BCR: variants seen among roughly 807,000 people sequenced by gnomAD.
The protein encoded by BCR is BCR activator of RhoGEF and GTPase, also known as breakpoint cluster region protein.
In BCR, 58 loss-of-function variants were observed where a neutral mutation model predicts 138.6. The observed-to-expected ratio is 0.42, with a 90% CI of 0.34 to 0.52. The LOEUF is 0.52. BCR is among the 20% of genes least tolerant of loss of function. The probability of loss-of-function intolerance (pLI) is 0.06; values close to 1 mark genes in which losing one functional copy is unlikely to be tolerated. For synonymous variants in BCR, 786 were observed against 730.1 expected (o/e 1.08, Z -1.23); for missense variants, 1,599 against 1,727.2 (o/e 0.93, Z 1.32).
intron 1 of BCR, among the ~76,000 whole-genome samples, chr22:23,194,357 C>T (rs1047451070): frequency 6.6e-6 from 1 of 151,576 alleles, no homozygotes; most frequent in African/African-American, 2.4e-5. Flanking sequence ...CTTGTAATTC[C>T]AGCATCTTGG....
chr22:23,288,743 TC>T (rs1304077789), intron 12 of BCR, among the ~76,000 whole-genome samples: 1 of 152,218 alleles, frequency 6.6e-6, no homozygotes, highest in Non-Finnish European at 1.5e-5. Flanking sequence ...GGGCGCTCCC[TC>T]CTGTCTGGGG....
intron 14 of BCR, chr22:23,290,822 C>CT (rs908798722): frequency 4.7e-4 from 104 of 221,718 alleles, no homozygotes; most frequent in East Asian, 1.6e-3. Context: ...ATGGATACTA[C>CT]TTTTTTTTTC....
intron 5 of BCR, among the ~76,000 whole-genome samples, chr22:23,268,728 G>A (rs1191034848): frequency 1.3e-5 from 2 of 152,232 alleles, no homozygotes; most frequent in African/African-American, 4.8e-5. Context: ...CTCCCCGGGG[G>A]CGAGGGCCTG....
intron 1 of BCR, among the ~76,000 whole-genome samples, chr22:23,228,617 A>G (rs2072919495): frequency 6.6e-6 from 1 of 152,074 alleles, no homozygotes; most frequent in Non-Finnish European, 1.5e-5. Flanking sequence ...CCTGAAGGAT[A>G]TTTTCATTGG....
Position 23,288,211 on chromosome 22 carries a change from C to T in BCR, c.2602+39C>T, listed in dbSNP as rs2073740277. 13 of 1,579,158 alleles carry T rather than the reference C, an allele frequency of 8.2e-6. No homozygotes were observed. In the East Asian group the frequency reaches 2.9e-4, roughly 35 times the overall value. On this transcript the variant is annotated intron_variant, in intron 12 of 22. Coordinates refer to ENST00000305877, the MANE Select transcript of BCR (RefSeq NM_004327.4). ...GTCCTGAGAGGGGCTGGGCTTCAAA[C>T]CATTAGGGCCAGGCTGGCAGCTCCT...
Position 23,317,897 on chromosome 22 carries a change from G to A in BCR, c.*2375G>A, listed in dbSNP as rs1170134187. Reference sequence around the variant, plus strand: ...TCCAGACTCCCCGGCCGGAAGTGATGCTTTTTTGCCTTGGGCCCTGGGTTT... The same window carrying A: ...TCCAGACTCCCCGGCCGGAAGTGATACTTTTTTGCCTTGGGCCCTGGGTTT... On this transcript the variant is annotated 3_prime_UTR_variant, in exon 23 of 23. Coordinates refer to ENST00000305877, the MANE Select transcript of BCR (RefSeq NM_004327.4). The A allele has an allele frequency of 6.8e-6, 1 of 146,420 alleles. No homozygotes were observed. 9.1% of individuals were successfully genotyped at this position (146,420 alleles called of 1,614,324 possible).
intron 4 of BCR, chr22:23,262,699 CCGGG>C (rs1169907608): frequency 1.1e-5 from 2 of 181,808 alleles, no homozygotes; most frequent in East Asian, 3.9e-4. Context: ...AATGGCGGGC[CCGGG>C]TGAGGGCGGG....
intron 1 of BCR, among the ~76,000 whole-genome samples, chr22:23,211,913 A>C (rs2072688871): frequency 6.6e-6 from 1 of 151,972 alleles, no homozygotes; most frequent in South Asian, 2.1e-4. Context: ...TTCCCTCTAG[A>C]TTTGGGGCTG....
chr22:23,259,034 C>T (rs1462493877), intron 2 of BCR, among the ~76,000 whole-genome samples: 1 of 152,260 alleles, frequency 6.6e-6, no homozygotes, highest in Non-Finnish European at 1.5e-5. Context: ...CGGTGGAGCA[C>T]TGAGGTGCTG....
chr22:23,271,800 T>TA (rs1302444635), intron 6 of BCR, among the ~76,000 whole-genome samples: 2 of 152,060 alleles, frequency 1.3e-5, no homozygotes, highest in Non-Finnish European at 2.9e-5. Context: ...GCCACCAACA[T>TA]TAGCAACAAG....
At chr22:23,261,716 G>T in intron 4 of BCR, 176 bp downstream of exon 4, 1 of 518,982 alleles carries the variant, frequency 1.9e-6, no homozygotes, top group Non-Finnish European at 3.2e-6. Flanking sequence ...ACAGGCGTGA[G>T]CCGCCATGCC....
At chr22:23,237,267 G>A (rs906559817) in intron 1 of BCR, among the ~76,000 whole-genome samples, 4 of 152,176 alleles carry the variant, frequency 2.6e-5, no homozygotes, top group Admixed American at 6.5e-5. Flanking sequence ...GTTGGCTCCC[G>A]GAGCGGGTGT....
chr22:23,259,990 A>G (rs900900113), intron 2 of BCR, among the ~76,000 whole-genome samples: 2 of 152,226 alleles, frequency 1.3e-5, no homozygotes, highest in African/African-American at 2.4e-5. Context: ...ATCGTCTCAA[A>G]AAAAACAAAA....
chr22:23,214,207 T>TG (rs925633964), intron 1 of BCR, among the ~76,000 whole-genome samples: 1 of 124,532 alleles, frequency 8.0e-6, no homozygotes, highest in Non-Finnish European at 1.5e-5. Flanking sequence ...GTTTGGTTTG[T>TG]TTTTTTTTTT....
At chr22:23,260,908 C>T in intron 2 of BCR, 42 bp from the exon 3 acceptor site, 6 of 1,580,776 alleles carry the variant, frequency 3.8e-6, no homozygotes, top group Non-Finnish European at 5.2e-6. Context: ...AAGAATCCCC[C>T]TACCACCCTT....
intron 2 of BCR, among the ~76,000 whole-genome samples, chr22:23,259,123 C>T (rs2073329170): frequency 6.6e-6 from 1 of 152,274 alleles, no homozygotes; most frequent in Non-Finnish European, 1.5e-5. Flanking sequence ...GTGGCGATTT[C>T]TGTGGCCTTT....
chr22:23,271,655 G>T, intron 6 of BCR, 63 bp downstream of exon 6: 1 of 1,547,544 alleles, frequency 6.5e-7, no homozygotes, highest in Non-Finnish European at 8.9e-7. Context: ...TGGCAGAGGG[G>T]GCGTTGTGGA....
At chr22:23,291,728 C>T (rs1410538261) in intron 14 of BCR, among the ~76,000 whole-genome samples, 2 of 152,176 alleles carry the variant, frequency 1.3e-5, no homozygotes, top group African/African-American at 4.8e-5. Context: ...TATGTCCTGT[C>T]CCTTTGAGGG....
intron 4 of BCR, chr22:23,262,625 C>T (rs939050530): frequency 5.7e-5 from 15 of 261,806 alleles, no homozygotes; most frequent in Non-Finnish European, 8.9e-5. Context: ...GGGCTGGGCT[C>T]CGCGTCGGGC....
Sources: gnomAD v4.1 joint callset for allele counts (sites outside exome capture counted in the v4.1 genomes callset) on GRCh38, gnomAD v4.1.1 for gene constraint, MANE v1.5 for transcripts, NCBI Gene and HGNC (gene_info 2026-07-23, HGNC 2026-07-21) for gene names.